SH3KBP1: variants seen among roughly 807,000 people sequenced by gnomAD.
The protein encoded by SH3KBP1 is SH3 domain containing kinase binding protein 1.
SH3KBP1 carries 8 observed loss-of-function variants against 50.1 expected under a neutral mutation model. The ratio of observed to expected loss-of-function variants is 0.16; its 90% CI spans 0.09 to 0.29. SH3KBP1 has a LOEUF of 0.29. Among genes scored for constraint, SH3KBP1 ranks in the 10% least tolerant of loss-of-function variants. The probability of loss-of-function intolerance (pLI) is 1.00; values close to 1 mark genes in which losing one functional copy is unlikely to be tolerated. For synonymous variants in SH3KBP1, 227 were observed against 218.6 expected, an observed-to-expected ratio of 1.04 and a Z score of -0.34; for missense variants, 377 against 535.2, an observed-to-expected ratio of 0.70 and a Z score of 2.92.
At chrX:19,886,710 G>A (rs2069592607) in intron 1 of SH3KBP1, among the ~76,000 whole-genome samples, 2 of 110,954 alleles carry the variant, frequency 1.8e-5, no homozygotes. Context: ...CGAAAGGGTC[G>A]GGGCCGGGAG....
At chrX:19,541,818 C>T in intron 16 of SH3KBP1, 107 bp downstream of exon 16, 2 of 956,726 alleles carry the variant, frequency 2.1e-6, no homozygotes, top group East Asian at 3.1e-5. Context: ...AACGGGGAGA[C>T]CAGGCCCGCC....
At chrX:19,845,000 A>G (rs1191847492) in intron 1 of SH3KBP1, among the ~76,000 whole-genome samples, 1 of 110,760 alleles carries the variant, frequency 9.0e-6, no homozygotes, top group East Asian at 2.9e-4. Flanking sequence ...AATTGCTTCA[A>G]CCCGGGAGGC....
chrX:19,707,587 G>A (rs1046214820), intron 3 of SH3KBP1, among the ~76,000 whole-genome samples: 2 of 110,829 alleles, frequency 1.8e-5, no homozygotes, highest in Non-Finnish European at 3.8e-5. Flanking sequence ...CTGTCCCAGG[G>A]GATCCATTAA....
chrX:19,711,495 C>T (rs1444101266), intron 3 of SH3KBP1, among the ~76,000 whole-genome samples: 1 of 111,190 alleles, frequency 9.0e-6, no homozygotes, highest in Non-Finnish European at 1.9e-5. Context: ...ATTCAGTGTC[C>T]GTGAAAATAA....
At chrX:19,636,493 A>T (rs975729803) in intron 7 of SH3KBP1, among the ~76,000 whole-genome samples, 38 of 111,579 alleles carry the variant, frequency 3.4e-4, no homozygotes, top group African/African-American at 1.2e-3. Flanking sequence ...AATTTTAAGA[A>T]GCTTGCTCTA....
rs184530578 is a variant in SH3KBP1 at position 19,860,090 on chromosome X, T to C, written c.5-23808A>G. Among the ~76,000 whole-genome samples the C allele has an allele frequency of 1.8e-3, 201 of 110,304 alleles. 1 individual carries two copies. The highest frequency in any genetic ancestry group is 6.2e-3 in the African/African-American group (188 of 30,277). On this transcript the variant is annotated intron_variant, in intron 1 of 17. Transcript: ENST00000397821. ...AACAAAATGTACTCTATCCATACTA[T>C]GGAATATTATTCCCAGCCTTAAAAA...
chrX:19,569,238 G>T, intron 12 of SH3KBP1, 50 bp from the exon 13 acceptor site: 1 of 1,047,649 alleles, frequency 9.5e-7, no homozygotes, highest in East Asian at 3.0e-5. Context: ...GTGTGTCCTT[G>T]TCATTCTGTC....
intron 6 of SH3KBP1, among the ~76,000 whole-genome samples, chrX:19,653,539 C>T (rs1336377628): frequency 4.6e-5 from 5 of 109,161 alleles, no homozygotes; most frequent in African/African-American, 1.0e-4. Context: ...GGTGAAACCC[C>T]GTCTCTACTA....
intron 10 of SH3KBP1, 74 bp from the exon 11 acceptor site, chrX:19,592,221 C>A: frequency 5.7e-6 from 5 of 870,969 alleles, no homozygotes; most frequent in Non-Finnish European, 8.3e-6. Context: ...GCATTTAAAT[C>A]TTTATCAGGT....
chrX:19,708,572 G>A (rs1390361814), intron 3 of SH3KBP1, among the ~76,000 whole-genome samples: 2 of 111,133 alleles, frequency 1.8e-5, no homozygotes, highest in Non-Finnish European at 3.8e-5. Flanking sequence ...TGCAAAGAAC[G>A]CCACCACTAT....
chrX:19,717,433 T>C (rs1317978045), intron 3 of SH3KBP1, among the ~76,000 whole-genome samples: 5 of 111,884 alleles, frequency 4.5e-5, no homozygotes, highest in Admixed American at 3.8e-4. Context: ...CCAGGCATGG[T>C]GGCACACACC....
chrX:19,778,972 A>G (rs1055595953), intron 2 of SH3KBP1, among the ~76,000 whole-genome samples: 1 of 109,057 alleles, frequency 9.2e-6, no homozygotes, highest in Non-Finnish European at 1.9e-5. Flanking sequence ...TTGCTCATTC[A>G]TTTTGTTCAA....
intron 2 of SH3KBP1, among the ~76,000 whole-genome samples, chrX:19,776,803 C>T (rs765796597): frequency 3.2e-4 from 35 of 110,323 alleles, no homozygotes; most frequent in African/African-American, 1.1e-3. Flanking sequence ...ATCCTCCTGC[C>T]TCAGCCTCCC....
intron 2 of SH3KBP1, chrX:19,799,628 A>G (rs755193581): frequency 2.5e-6 from 3 of 1,207,205 alleles, no homozygotes; most frequent in East Asian, 3.0e-5. Flanking sequence ...TGTATGGCCT[A>G]CTTACAATCT....
intron 8 of SH3KBP1, among the ~76,000 whole-genome samples, chrX:19,623,042 CAAAAAAAAAAAAAAA>C (rs773914815): frequency 4.5e-5 from 1 of 22,249 alleles, no homozygotes; most frequent in Non-Finnish European, 9.2e-5. Context: ...CACTCTGACT[CAAAAAAAAAAAAAAA>C]AAAAAAAAAA....
At chrX:19,639,686 C>A (rs1434348468) in intron 7 of SH3KBP1, among the ~76,000 whole-genome samples, 1 of 110,309 alleles carries the variant, frequency 9.1e-6, no homozygotes, top group Non-Finnish European at 1.9e-5. Flanking sequence ...CCTGGGACAT[C>A]AAGCATGAGG....
At position 19,785,775 on chromosome X, in the gene SH3KBP1, T is replaced by G. The variant is rs1473549395; in HGVS notation, c.163-39334A>C. Among the ~76,000 whole-genome samples, 34 of 111,958 alleles carry G rather than the reference T, an allele frequency of 3.0e-4. 2 individuals carry two copies. Among genetic ancestry groups the G allele is most frequent in the Non-Finnish European group, 3.8e-5 (2 of 53,225 alleles). ...AAAGGAAGGAAATCCTGTCACATGC[T>G]ACCACACGGATGAACCTTGAGGACA... On this transcript the variant is annotated intron_variant, in intron 2 of 17. Transcript: ENST00000397821.
intron 2 of SH3KBP1, among the ~76,000 whole-genome samples, chrX:19,803,033 A>G (rs1014003966): frequency 9.0e-6 from 1 of 110,952 alleles, no homozygotes; most frequent in African/African-American, 3.3e-5. Flanking sequence ...CTTCAGACTC[A>G]GTACAGGACA....
intron 6 of SH3KBP1, among the ~76,000 whole-genome samples, chrX:19,665,819 T>C (rs1211994084): frequency 8.9e-6 from 1 of 111,946 alleles, no homozygotes; most frequent in Non-Finnish European, 1.9e-5. Flanking sequence ...AGTTTTTACA[T>C]AGCATTAAAC....
Sources: gnomAD v4.1 joint callset for allele counts (sites outside exome capture counted in the v4.1 genomes callset) on GRCh38, gnomAD v4.1.1 for gene constraint, MANE v1.5 for transcripts, NCBI Gene and HGNC (gene_info 2026-07-23, HGNC 2026-07-21) for gene names.